TMEM131L: variants seen among roughly 807,000 people sequenced by gnomAD.
TMEM131L encodes transmembrane protein 131-like.
A neutral mutation model predicts 192.2 loss-of-function variants in TMEM131L; 54 were observed. The observed-to-expected ratio is 0.28, with a 90% CI of 0.23 to 0.35. TMEM131L has a LOEUF of 0.35. Among genes scored for constraint, TMEM131L ranks in the 10% least tolerant of loss-of-function variants. The probability of loss-of-function intolerance (pLI) is 1.00; values close to 1 mark genes in which losing one functional copy is unlikely to be tolerated. For synonymous variants in TMEM131L, 701 were observed against 704.9 expected (o/e 0.99, Z 0.09); for missense variants, 1,888 against 1,972.9 (o/e 0.96, Z 0.82).
In TMEM131L at chr4:153,602,266, G is replaced by A. The variant is rs375159191; in HGVS notation, c.2381G>A (p.Gly794Asp). 8.7e-6 allele frequency: 14 copies of A among 1,613,686 alleles called. No individual in the cohort carries two copies. Among genetic ancestry groups the A allele is most frequent in the South Asian group, 1.1e-5 (1 of 90,996 alleles). The change falls in exon 22 of 35, where the codon GGT becomes GAT. Residue 794 changes from glycine (G) to aspartate (D), a missense_variant. Gly to Asp is a moderately conservative substitution (Grantham distance 94). Transcript: ENST00000409959. ...SLKINGYNCQ[G>D]YGFEVLDCHQ... Reference sequence around the variant, plus strand: ...AAAATTAATGGGTATAACTGCCAAGGTTATGGATTCGAGGTGCTGGATTGT... The same window carrying A: ...AAAATTAATGGGTATAACTGCCAAGATTATGGATTCGAGGTGCTGGATTGT...
In TMEM131L at chr4:153,504,213, C is replaced by T. The variant is rs555851366; in HGVS notation, c.239+30325C>T. 1.2e-3 allele frequency among the ~76,000 whole-genome samples: 176 copies of T among 149,658 alleles called. 2 individuals are homozygous for T. In the Middle Eastern group the frequency reaches 0.014, roughly 12 times the overall value. The stretch of plus-strand genomic sequence containing the variant: ...TCGATCTCCTGACCTTGTGATCCAC[C>T]GCCTCGGCCTCCCAAAGTGCTGGGA... On this transcript the variant is annotated intron_variant, in intron 3 of 34. Coordinates refer to ENST00000409959, the MANE Select transcript of TMEM131L (RefSeq NM_001131007.2).
intron 25 of TMEM131L, among the ~76,000 whole-genome samples, chr4:153,604,812 C>G (rs1200411850): frequency 3.3e-5 from 5 of 152,072 alleles, no homozygotes; most frequent in Non-Finnish European, 7.4e-5. Context: ...TCAAGTGATT[C>G]TCTTGCCTCA....
intron 3 of TMEM131L, among the ~76,000 whole-genome samples, chr4:153,482,216 T>TC (rs1172743605): frequency 1.3e-5 from 2 of 152,176 alleles, no homozygotes; most frequent in African/African-American, 4.8e-5. Flanking sequence ...ATTCACTCTA[T>TC]CCATGTATAG....
intron 20 of TMEM131L, 30 bp from the exon 21 acceptor site, chr4:153,598,560 C>G (rs1427925093): frequency 1.3e-6 from 2 of 1,588,450 alleles, no homozygotes; most frequent in Non-Finnish European, 1.7e-6. Flanking sequence ...CCATGTAATG[C>G]CTTTTTATAT....
chr4:153,601,866 T>C lies in TMEM131L; in HGVS notation c.2267-286T>C, dbSNP rs532829161. On this transcript the variant is annotated intron_variant, in intron 21 of 34. Coordinates refer to ENST00000409959, the MANE Select transcript of TMEM131L (RefSeq NM_001131007.2). ...ACTTTTAACCTTAACCTTTAACAAG[T>C]AAAGGGACCAAAGAAGAGATTTTAG... The C allele has an allele frequency of 2.5e-5, 5 of 200,944 alleles. No homozygotes were observed. In the East Asian group the frequency reaches 6.4e-4, roughly 26 times the overall value. The allele number at this position is 200,944 out of a possible 1,614,324, so 12.4% of individuals were successfully genotyped here.
At chr4:153,538,675 T>G (rs1295690273) in intron 3 of TMEM131L, among the ~76,000 whole-genome samples, 1 of 152,232 alleles carries the variant, frequency 6.6e-6, no homozygotes, top group Non-Finnish European at 1.5e-5. Context: ...TTAGTTCCGC[T>G]GAGCAGCTGC....
intron 28 of TMEM131L, 89 bp downstream of exon 28, chr4:153,621,938 G>C (rs1311090150): frequency 2.3e-6 from 3 of 1,283,750 alleles, no homozygotes; most frequent in Non-Finnish European, 3.3e-6. Flanking sequence ...TGACACCTCA[G>C]TGATTTTATC....
intron 3 of TMEM131L, among the ~76,000 whole-genome samples, chr4:153,494,391 CAGAG>C (rs1358040487): frequency 6.6e-6 from 1 of 152,122 alleles, no homozygotes; most frequent in African/African-American, 2.4e-5. Context: ...CAATATTTGA[CAGAG>C]AAAGGTGTTT....
At chr4:153,466,574 T>C (rs1730761909) in intron 1 of TMEM131L, 53 bp downstream of exon 1, 1 of 1,264,768 alleles carries the variant, frequency 7.9e-7, no homozygotes, top group South Asian at 2.6e-5. Flanking sequence ...CCCCCGCTCT[T>C]TCTTTTAGGG....
At chr4:153,599,941 G>A (rs1013280781) in intron 21 of TMEM131L, among the ~76,000 whole-genome samples, 13 of 152,204 alleles carry the variant, frequency 8.5e-5, no homozygotes, top group African/African-American at 1.9e-4. Context: ...GGGAGGCTGA[G>A]AGAGGAGAAT....
Position 153,593,898 on chromosome 4 carries a change from A to G in TMEM131L, c.1995+27A>G, listed in dbSNP as rs768360656. Reference sequence around the variant, plus strand: ...TAGGATGTTATCCTAAAACAGAAAAAAGAATGCCGACAAACTAGACACATG... The same window carrying G: ...TAGGATGTTATCCTAAAACAGAAAAGAGAATGCCGACAAACTAGACACATG... On this transcript the variant is annotated intron_variant, in intron 19 of 34. Transcript: ENST00000409959. The G allele has an allele frequency of 2.3e-5, 34 of 1,502,160 alleles. No homozygotes were observed. In the Admixed American group the frequency reaches 5.5e-4, roughly 24 times the overall value. The allele number at this position is 1,502,160 out of a possible 1,614,324, so 93.1% of individuals were successfully genotyped here.
intron 3 of TMEM131L, among the ~76,000 whole-genome samples, chr4:153,543,891 G>A (rs997943045): frequency 1.3e-5 from 2 of 152,152 alleles, no homozygotes; most frequent in Admixed American, 6.5e-5. Flanking sequence ...AGCCCAGTAA[G>A]TGTCTCGTTA....
chr4:153,622,469 G>T (rs1451145275), intron 28 of TMEM131L, among the ~76,000 whole-genome samples: 1 of 152,190 alleles, frequency 6.6e-6, no homozygotes, highest in East Asian at 1.9e-4. Context: ...TGACACGTGT[G>T]TGTTGCTTTT....
intron 25 of TMEM131L, among the ~76,000 whole-genome samples, chr4:153,605,973 G>T (rs573303043): frequency 1.3e-5 from 2 of 152,166 alleles, no homozygotes; most frequent in South Asian, 2.1e-4. Context: ...CCCTGGCAGT[G>T]GTGCACACGC....
intron 25 of TMEM131L, among the ~76,000 whole-genome samples, chr4:153,606,146 T>C (rs1257171821): frequency 6.6e-6 from 1 of 152,236 alleles, no homozygotes; most frequent in East Asian, 1.9e-4. Context: ...TGTCTTATTC[T>C]GTTTCTCTCC....
rs375796858 is a variant in TMEM131L at position 153,466,570 on chromosome 4, C to T, written c.124+49C>T. 6.5e-5 allele frequency: 83 copies of T among 1,272,146 alleles called. 1 individual carries two copies. The highest frequency in any genetic ancestry group is 5.1e-4 in the East Asian group (16 of 31,646). The allele number at this position is 1,272,146 out of a possible 1,614,324, so 78.8% of individuals were successfully genotyped here. On this transcript the variant is annotated intron_variant, in intron 1 of 34. Transcript: ENST00000409959. The stretch of plus-strand genomic sequence containing the variant: ...GCTCTGCCTCTCCACCCCGCCCCCG[C>T]TCTTTCTTTTAGGGAACTGCTGAAA...
chr4:153,587,686 A>C (rs1407881616), intron 14 of TMEM131L, 56 bp from the exon 15 acceptor site: 1 of 1,303,858 alleles, frequency 7.7e-7, no homozygotes, highest in Non-Finnish European at 1.1e-6. Context: ...AGTGCATTAG[A>C]ATTTTTATGT....
intron 7 of TMEM131L, among the ~76,000 whole-genome samples, chr4:153,568,916 T>TA (rs1729402892): frequency 6.6e-6 from 1 of 152,198 alleles, no homozygotes; most frequent in East Asian, 1.9e-4. Flanking sequence ...AGCCAGGAGT[T>TA]ACTAACTCCT....
chr4:153,607,794 A>T (rs559215491), intron 25 of TMEM131L, among the ~76,000 whole-genome samples: 1 of 152,344 alleles, frequency 6.6e-6, no homozygotes, highest in Non-Finnish European at 1.5e-5. Flanking sequence ...CTTTGACTAC[A>T]TACTTGCCAT....
Sources: allele counts gnomAD v4.1 joint callset (sites outside exome capture counted in the v4.1 genomes callset), GRCh38; gene constraint gnomAD v4.1.1; transcripts MANE v1.5; gene names NCBI Gene and HGNC (gene_info 2026-07-23, HGNC 2026-07-21).